The following MTCL2 variants were observed in gnomAD, a reference collection of about 807,000 sequenced individuals.
MTCL2 encodes the protein microtubule crosslinking factor 2, also known as microtubule cross-linking factor 2.
the MTCL2 span, among the ~76,000 whole-genome samples, chr20:36,795,640 G>T: frequency 6.6e-6 from 1 of 152,236 alleles, no homozygotes; most frequent in East Asian, 1.9e-4. Flanking sequence ...GCCAAGCGTG[G>T]TGGCGTTAGC....
chr20:36,816,057 C>T, the MTCL2 span: 24 of 1,613,424 alleles, frequency 1.5e-5, no homozygotes, highest in Middle Eastern at 1.6e-4. Context: ...CACGATGCGG[C>T]GGCTCAGCAG....
At chr20:36,808,399 T>G in the MTCL2 span, 1 of 797,110 alleles carries the variant, frequency 1.3e-6, no homozygotes, top group South Asian at 1.8e-5. Flanking sequence ...GAAGCCTGCA[T>G]GCTGATGGCA....
At chr20:36,819,043 A>G in the MTCL2 span, among the ~76,000 whole-genome samples, 1 of 151,920 alleles carries the variant, frequency 6.6e-6, no homozygotes, top group African/African-American at 2.4e-5. Flanking sequence ...ATATCTGACG[A>G]CATATTCTAT....
the MTCL2 span, chr20:36,829,300 G>A: frequency 2.2e-6 from 3 of 1,360,210 alleles, no homozygotes; most frequent in Non-Finnish European, 3.0e-6. Context: ...TTTCACAGCA[G>A]GGCAACCCTA....
the MTCL2 span, among the ~76,000 whole-genome samples, chr20:36,821,699 C>T: frequency 6.6e-6 from 1 of 152,132 alleles, no homozygotes; most frequent in East Asian, 1.9e-4. Context: ...GCCTGGGCAA[C>T]AGAGCCAGAC....
chr20:36,786,032 T>C, the MTCL2 span: 2 of 986,328 alleles, frequency 2.0e-6, no homozygotes, highest in Non-Finnish European at 2.4e-6. Flanking sequence ...CAAAGCCTGT[T>C]CTTCTCAGCA....
At chr20:36,841,435 G>A in the MTCL2 span, among the ~76,000 whole-genome samples, 1 of 150,830 alleles carries the variant, frequency 6.6e-6, no homozygotes, top group Non-Finnish European at 1.5e-5. Context: ...TGCTATGTTA[G>A]GGGACATGAT....
chr20:36,784,835 G>C, the MTCL2 span: 1 of 985,536 alleles, frequency 1.0e-6, no homozygotes. Flanking sequence ...TGAGAACCGA[G>C]GCAGGCTGGG....
chr20:36,853,230 G>A, the MTCL2 span, among the ~76,000 whole-genome samples: 1 of 152,090 alleles, frequency 6.6e-6, no homozygotes, highest in Non-Finnish European at 1.5e-5. Flanking sequence ...GCCTGGACCC[G>A]CCTCTCCAAT....
At chr20:36,809,935 G>A in the MTCL2 span, 1 of 1,568,134 alleles carries the variant, frequency 6.4e-7, no homozygotes, top group Non-Finnish European at 8.7e-7. Context: ...TTCCAGCTCA[G>A]AGAGGCTGTA....
At chr20:36,863,418 A>G in the MTCL2 span, 15 of 1,083,130 alleles carry the variant, frequency 1.4e-5, no homozygotes, top group Non-Finnish European at 1.7e-5. The surrounding 1 kb of genome is among the most constrained non-coding windows in gnomAD (Gnocchi z 6.2). Flanking sequence ...CTGGGGAGGG[A>G]CCCGGCGCGG....
At chr20:36,859,637 C>G in the MTCL2 span, 1 of 1,231,664 alleles carries the variant, frequency 8.1e-7, no homozygotes, top group Non-Finnish European at 1.0e-6. Context: ...ATGCTTTCCT[C>G]ACTTGGACCC....
At chr20:36,852,116 G>A in the MTCL2 span, among the ~76,000 whole-genome samples, 2 of 152,198 alleles carry the variant, frequency 1.3e-5, no homozygotes, top group Non-Finnish European at 2.9e-5. Flanking sequence ...CAACCCAGAA[G>A]AATGACAGAG....
At chr20:36,787,702 A>G in the MTCL2 span, among the ~76,000 whole-genome samples, 2 of 151,252 alleles carry the variant, frequency 1.3e-5, no homozygotes, top group African/African-American at 4.9e-5. Flanking sequence ...CCTGGCCAAC[A>G]TGGTGAAACC....
the MTCL2 span, chr20:36,812,843 G>T: frequency 6.2e-7 from 1 of 1,610,960 alleles, no homozygotes; most frequent in Non-Finnish European, 8.5e-7. Flanking sequence ...GAAGTCAGGT[G>T]GCTGCACCCA....
At chr20:36,863,320 G>A in the MTCL2 span, 1 of 1,180,648 alleles carries the variant, frequency 8.5e-7, no homozygotes, top group South Asian at 4.2e-5. The surrounding 1 kb of genome is among the most constrained non-coding windows in gnomAD (Gnocchi z 6.2). Flanking sequence ...CCCCGGACCG[G>A]GGGCTCGGCC....
the MTCL2 span, chr20:36,815,639 GA>G: frequency 6.2e-7 from 1 of 1,606,334 alleles, no homozygotes; most frequent in Non-Finnish European, 8.5e-7. The surrounding 1 kb of genome is among the most constrained non-coding windows in gnomAD (Gnocchi z 5.3). Context: ...CACAGCGCTG[GA>G]GGTTGGAGAG....
At chr20:36,845,477 CAG>C in the MTCL2 span, among the ~76,000 whole-genome samples, 1 of 152,272 alleles carries the variant, frequency 6.6e-6, no homozygotes, top group African/African-American at 2.4e-5. Context: ...CTAGGCCTCT[CAG>C]GGGGCTAGTC....
chr20:36,827,351 A>ACC, the MTCL2 span, among the ~76,000 whole-genome samples: 32 of 98,648 alleles, frequency 3.2e-4, no homozygotes, highest in African/African-American at 1.3e-3. Flanking sequence ...CTGTGCCTGG[A>ACC]CCCCCCTTTT....
Sources: gnomAD v4.1 joint callset for allele counts (sites outside exome capture counted in the v4.1 genomes callset) on GRCh38, gnomAD v4.1.1 for gene constraint, Gnocchi (gnomAD v3.1) non-coding constraint, MANE v1.5 for transcripts, NCBI Gene and HGNC (gene_info 2026-07-23, HGNC 2026-07-21) for gene names.